The following SLC33A1 variants were observed in gnomAD, a reference collection of about 807,000 sequenced individuals.
The protein encoded by SLC33A1 is acetyl-coenzyme A transporter 1.
SLC33A1 carries 20 observed loss-of-function variants against 50.0 expected under a neutral mutation model. The observed-to-expected ratio is 0.40, with a 90% CI of 0.28 to 0.58. The LOEUF is 0.58. Among genes scored for constraint, SLC33A1 ranks in the 20% least tolerant of loss-of-function variants. The pLI, the probability that SLC33A1 is intolerant of heterozygous loss-of-function variation, is 0.44. For synonymous variants in SLC33A1, 265 were observed against 251.8 expected (o/e 1.05, Z -0.50); for missense variants, 476 against 657.0 (o/e 0.72, Z 3.01).
At chr3:155,833,183 A>T (rs543452409) in intron 4 of SLC33A1, among the ~76,000 whole-genome samples, 1 of 152,242 alleles carries the variant, frequency 6.6e-6, no homozygotes, top group South Asian at 2.1e-4. Context: ...TAGGAGGTGG[A>T]GGTTGCAGTG....
At chr3:155,841,124 G>A (rs1276953493) in intron 2 of SLC33A1, among the ~76,000 whole-genome samples, 2 of 151,780 alleles carry the variant, frequency 1.3e-5, no homozygotes, top group Non-Finnish European at 2.9e-5. Flanking sequence ...GGAGTGCAGA[G>A]GCATAGCCAT....
At chr3:155,839,667 G>A (rs1244307748) in intron 2 of SLC33A1, among the ~76,000 whole-genome samples, 3 of 152,020 alleles carry the variant, frequency 2.0e-5, no homozygotes. Flanking sequence ...TAAATAAGTA[G>A]GCCGGGCATG....
intron 2 of SLC33A1, 50 bp downstream of exon 2, chr3:155,842,382 G>A: frequency 8.5e-7 from 1 of 1,172,040 alleles, no homozygotes; most frequent in Non-Finnish European, 1.3e-6. Context: ...AGTATTCCAT[G>A]ATATTGATAC....
chr3:155,839,373 CAAAAAA>C (rs1198585213), intron 2 of SLC33A1, among the ~76,000 whole-genome samples: 3 of 18,296 alleles, frequency 1.6e-4, no homozygotes, highest in African/African-American at 6.0e-4. Context: ...GACTCTGTCT[CAAAAAA>C]AAAAAAAAAA....
rs1267600609 is a variant in SLC33A1 at position 155,825,264 on chromosome 3, C to A, written c.*2946G>T. 1.3e-5 allele frequency: 2 copies of A among 151,934 alleles called. No individual in the cohort carries two copies. The highest frequency in any genetic ancestry group is 2.9e-5 in the Non-Finnish European group (2 of 68,024). The allele number at this position is 151,934 out of a possible 1,614,324, so 9.4% of individuals were successfully genotyped here. On this transcript the variant is annotated 3_prime_UTR_variant, in exon 6 of 6. Transcript: ENST00000643144. ...TCCTGGGTTCAAGTAACCCTCCCGC[C>A]TAAGCTTCCCAAGTAGCTGGGACTA... is the stretch of plus-strand genomic sequence containing the variant.
At chr3:155,844,162 C>T (rs1753036675) in intron 1 of SLC33A1, among the ~76,000 whole-genome samples, 1 of 152,044 alleles carries the variant, frequency 6.6e-6, no homozygotes, top group African/African-American at 2.4e-5. Context: ...GGCAGAAAGA[C>T]AGCATTATTT....
At position 155,842,512 on chromosome 3, in the gene SLC33A1, T is replaced by C; in HGVS notation, c.883A>G (p.Thr295Ala). ...GCAAAAAGCAGCTTGTAAGTATCTG[T>C]GATCCCTTGTGTTTCTTCTTTTACT... ...SVVKEETQGI[T>A]DTYKLLFAII... The change falls in exon 2 of 6, where the codon ACA (threonine) becomes GCA (alanine). Residue 295 changes from threonine to alanine, a missense_variant. Transcript: ENST00000643144. The C allele has an allele frequency of 6.2e-7, 1 of 1,611,656 alleles. No individual in the cohort carries two copies. The highest frequency in any genetic ancestry group is 1.1e-5 in the South Asian group (1 of 90,814).
At position 155,854,378 on chromosome 3, in the gene SLC33A1, C is replaced by A. The variant is rs764689770; in HGVS notation, c.-381G>T. The A allele has an allele frequency of 3.0e-5, 6 of 196,802 alleles. No individual in the cohort carries two copies. The highest frequency in any genetic ancestry group is 5.1e-5 in the Non-Finnish European group (5 of 97,118). The allele number at this position is 196,802 out of a possible 1,614,324, so 12.2% of individuals were successfully genotyped here. ...GACCCAACACCTCCAGCTCTCGCTGCTATCAATGCGGCAGAGAGCACTTTC... is the reference window on the plus strand; with the variant it reads ...GACCCAACACCTCCAGCTCTCGCTGATATCAATGCGGCAGAGAGCACTTTC... On this transcript the variant is annotated 5_prime_UTR_variant, in exon 1 of 6. Coordinates refer to ENST00000643144, the MANE Select transcript of SLC33A1 (RefSeq NM_004733.4).
chr3:155,852,184 G>A (rs1753423538), intron 1 of SLC33A1, among the ~76,000 whole-genome samples: 1 of 152,120 alleles, frequency 6.6e-6, no homozygotes, highest in African/African-American at 2.4e-5. Flanking sequence ...GCCAGGTGGG[G>A]TGGTTCACAC....
rs776517562 is a variant in SLC33A1 at position 155,853,945 on chromosome 3, T to C, written c.53A>G (p.Asn18Ser). The C allele has an allele frequency of 6.5e-7, 1 of 1,536,676 alleles. No individual in the cohort carries two copies. The highest frequency in any genetic ancestry group is 8.7e-7 in the Non-Finnish European group (1 of 1,146,694). Residue 18 changes from asparagine to serine, a missense_variant, in exon 1 of 6, where the codon AAT becomes AGT. By Grantham distance (46) the Asn-to-Ser change is conservative. Coordinates refer to ENST00000643144, the MANE Select transcript of SLC33A1 (RefSeq NM_004733.4). ...CTTCATATCCAGAGAGTGACTGAAA[T>C]TCCCTGGCCGCCGTTGCCGGCTGCT... ...KDSSRQRRPG[N>S]FSHSLDMKSG...
rs199903675 is a variant in SLC33A1, at chr3:155,833,525, T to C, written c.1209A>G (p.Gln403=). ...LVWWTPKVEH[Q]GGFPIYYYIV... ...TATAGTAATATATAGGGAATCCCCCTTGATGTTCTACTTTAGGAGTCCACC... is the reference window on the plus strand; with the variant it reads ...TATAGTAATATATAGGGAATCCCCCCTGATGTTCTACTTTAGGAGTCCACC... Residue 403 remains glutamine, a synonymous_variant, in exon 4 of 6, where the codon CAA becomes CAG. Transcript: ENST00000643144. 4.4e-6 allele frequency: 7 copies of C among 1,604,552 alleles called. No individual in the cohort carries two copies. Among genetic ancestry groups the C allele is most frequent in the African/African-American group, 1.3e-5 (1 of 74,714 alleles).
At chr3:155,850,543 A>G (rs1753356507) in intron 1 of SLC33A1, among the ~76,000 whole-genome samples, 1 of 152,100 alleles carries the variant, frequency 6.6e-6, no homozygotes. Context: ...GAGTTATTAT[A>G]TTTATACTCC....
chr3:155,832,215 T>C (rs905475331), intron 4 of SLC33A1, among the ~76,000 whole-genome samples: 9 of 151,900 alleles, frequency 5.9e-5, no homozygotes, highest in African/African-American at 1.9e-4. Context: ...CCGTCTCTAC[T>C]AAAAAAATAC....
chr3:155,841,497 G>A (rs1007095527), intron 2 of SLC33A1, among the ~76,000 whole-genome samples: 7 of 152,122 alleles, frequency 4.6e-5, no homozygotes, highest in African/African-American at 1.7e-4. Flanking sequence ...CTATAAGATT[G>A]CAGATTTCAG....
intron 1 of SLC33A1, among the ~76,000 whole-genome samples, chr3:155,852,785 T>C (rs1753448778): frequency 1.3e-5 from 2 of 152,202 alleles, no homozygotes; most frequent in Admixed American, 6.5e-5. Context: ...GGTTCAATAA[T>C]GTTTGAACGA....
At chr3:155,830,675 G>A (rs1752391448) in intron 4 of SLC33A1, among the ~76,000 whole-genome samples, 2 of 151,778 alleles carry the variant, frequency 1.3e-5, no homozygotes, top group African/African-American at 4.8e-5. Context: ...CCTCATATTT[G>A]TACTGTACCT....
intron 4 of SLC33A1, 77 bp downstream of exon 4, chr3:155,833,391 T>C: frequency 1.2e-6 from 1 of 800,588 alleles, no homozygotes; most frequent in Admixed American, 1.8e-5. Context: ...ATCATTATTT[T>C]AAGACAACTG....
chr3:155,836,651 C>T (rs1292714957), intron 2 of SLC33A1, among the ~76,000 whole-genome samples: 1 of 152,148 alleles, frequency 6.6e-6, no homozygotes, highest in Non-Finnish European at 1.5e-5. Flanking sequence ...AAGCACAGCA[C>T]TTTGGGAGGA....
rs1752151579 is a variant in SLC33A1, at chr3:155,824,161, G to A, written c.*4049C>T. ...CAAAATACTTATTAAATATATGAAT[G>A]CTAGTTATCAGATTATTTTAAAAGT... On this transcript the variant is annotated 3_prime_UTR_variant, in exon 6 of 6. Coordinates refer to ENST00000643144, the MANE Select transcript of SLC33A1 (RefSeq NM_004733.4). The A allele has an allele frequency of 6.6e-6, 1 of 152,108 alleles. No homozygotes were observed. Among genetic ancestry groups the A allele is most frequent in the Admixed American group, 6.5e-5 (1 of 15,274 alleles). 9.4% of individuals were successfully genotyped at this position (152,108 alleles called of 1,614,324 possible). A position where few individuals can be genotyped will look rare whatever the true frequency, so the allele number is the denominator to read the frequency against.
Sources: allele counts gnomAD v4.1 joint callset (sites outside exome capture counted in the v4.1 genomes callset), GRCh38; gene constraint gnomAD v4.1.1; transcripts MANE v1.5; gene names NCBI Gene and HGNC (gene_info 2026-07-23, HGNC 2026-07-21).